The following ZFAND3 variants were observed in gnomAD, a reference collection of about 807,000 sequenced individuals.
ZFAND3 encodes the protein AN1-type zinc finger protein 3.
Under a neutral mutation model 29.6 loss-of-function variants are expected in ZFAND3, and 10 were observed. The observed-to-expected ratio is 0.34, with a 90% CI of 0.21 to 0.57. The LOEUF (loss-of-function observed/expected upper bound fraction) is 0.57. Among genes scored for constraint, ZFAND3 ranks in the 20% least tolerant of loss-of-function variants. ZFAND3 has a pLI of 0.86. For missense variants in ZFAND3, 230 were observed against 304.5 expected (o/e 0.76, Z 1.82); for synonymous variants, 128 against 112.6 (o/e 1.14, Z -0.87).
At chr6:38,021,496 T>G (rs567965081) in intron 2 of ZFAND3, among the ~76,000 whole-genome samples, 2 of 152,314 alleles carry the variant, frequency 1.3e-5, no homozygotes, top group South Asian at 4.1e-4. Context: ...TTTCATTGAC[T>G]AGGGAAAGTA....
At chr6:38,011,211 A>T (rs1293585130) in intron 2 of ZFAND3, among the ~76,000 whole-genome samples, 1 of 152,072 alleles carries the variant, frequency 6.6e-6, no homozygotes, top group Non-Finnish European at 1.5e-5. Flanking sequence ...GCTGATGGAT[A>T]TTTGGGTTAT....
At chr6:37,994,022 G>T (rs1310490362) in intron 2 of ZFAND3, among the ~76,000 whole-genome samples, 3 of 152,228 alleles carry the variant, frequency 2.0e-5, no homozygotes, top group South Asian at 2.1e-4. Flanking sequence ...ACCGGTAAAA[G>T]AATTGGATTT....
chr6:37,926,720 A>G (rs866329633), intron 1 of ZFAND3, among the ~76,000 whole-genome samples: 1 of 152,222 alleles, frequency 6.6e-6, no homozygotes, highest in Admixed American at 6.5e-5. Flanking sequence ...GGAGAGCTCA[A>G]TAAGAGTAGT....
At chr6:38,114,343 A>G (rs1329994656) in intron 4 of ZFAND3, among the ~76,000 whole-genome samples, 1 of 152,198 alleles carries the variant, frequency 6.6e-6, no homozygotes, top group Non-Finnish European at 1.5e-5. Flanking sequence ...AATGATTTAT[A>G]TTTAAATTGT....
chr6:38,058,031 C>G (rs1230646467), intron 2 of ZFAND3, among the ~76,000 whole-genome samples: 1 of 152,098 alleles, frequency 6.6e-6, no homozygotes, highest in East Asian at 1.9e-4. Context: ...TAAAAGAAAA[C>G]CTGAAGTTTT....
intron 3 of ZFAND3, among the ~76,000 whole-genome samples, chr6:38,065,547 C>A (rs979758514): frequency 2.2e-4 from 33 of 152,116 alleles, no homozygotes; most frequent in Non-Finnish European, 1.8e-4. Flanking sequence ...TCTTTAGATG[C>A]GGTAACATTT....
chr6:37,955,615 T>C lies in ZFAND3; in HGVS notation c.112+25616T>C, dbSNP rs76249881. 1.5e-3 allele frequency among the ~76,000 whole-genome samples: 227 copies of C among 152,324 alleles called. 5 individuals are homozygous for C. In the East Asian group the frequency reaches 0.035, roughly 23 times the overall value. On this transcript the variant is annotated intron_variant, in intron 2 of 5. Coordinates refer to ENST00000287218, the MANE Select transcript of ZFAND3 (RefSeq NM_021943.3). ...AGTAGTAAGTTCTGCTATGACCCAG[T>C]AACTATTATAAACCACTTAGGCTCT...
At chr6:37,939,101 T>A (rs560302372) in intron 2 of ZFAND3, among the ~76,000 whole-genome samples, 2 of 152,314 alleles carry the variant, frequency 1.3e-5, no homozygotes, top group South Asian at 4.1e-4. Context: ...ATACATAATC[T>A]CATTGGTATC....
chr6:37,918,297 G>C (rs1458546649), intron 1 of ZFAND3, among the ~76,000 whole-genome samples: 1 of 152,012 alleles, frequency 6.6e-6, no homozygotes, highest in Admixed American at 6.6e-5. Context: ...GGATGGTCTC[G>C]ATCTCCTGAC....
chr6:38,046,799 T>G (rs1047585840), intron 2 of ZFAND3, among the ~76,000 whole-genome samples: 4 of 152,240 alleles, frequency 2.6e-5, no homozygotes, highest in Non-Finnish European at 5.9e-5. Context: ...GAAATACAGT[T>G]GTTTCAGACA....
At chr6:37,943,887 A>T (rs993275925) in intron 2 of ZFAND3, among the ~76,000 whole-genome samples, 8 of 152,204 alleles carry the variant, frequency 5.3e-5, no homozygotes, top group Non-Finnish European at 4.4e-5. Flanking sequence ...GCATACTTCA[A>T]CCTCAGTTTC....
chr6:37,982,115 G>A (rs1158027358), intron 2 of ZFAND3, among the ~76,000 whole-genome samples: 21 of 152,062 alleles, frequency 1.4e-4, no homozygotes, highest in Admixed American at 1.4e-3. Context: ...TTTGTCTCAT[G>A]TGAGCAGAGG....
chr6:37,934,124 G>T (rs2127414242), intron 2 of ZFAND3, among the ~76,000 whole-genome samples: 1 of 151,684 alleles, frequency 6.6e-6, no homozygotes, highest in East Asian at 1.9e-4. Context: ...CTGAGCTCAG[G>T]TGATCCGCCC....
Position 38,153,937 on chromosome 6 carries a change from T to A in ZFAND3, c.*1548T>A. Reference sequence around the variant, plus strand: ...AAACAACAAATGGTTCAACTCTGTCTGCAAATTAACAGCTGAACACCTGCA... The same window carrying A: ...AAACAACAAATGGTTCAACTCTGTCAGCAAATTAACAGCTGAACACCTGCA... On this transcript the variant is annotated 3_prime_UTR_variant, in exon 6 of 6. Coordinates refer to ENST00000287218, the MANE Select transcript of ZFAND3 (RefSeq NM_021943.3). 1 of 985,450 alleles carries A rather than the reference T, an allele frequency of 1.0e-6. No individual in the cohort carries two copies. Among genetic ancestry groups the A allele is most frequent in the Admixed American group, 6.1e-5 (1 of 16,294 alleles). 61.0% of individuals were successfully genotyped at this position (985,450 alleles called of 1,614,324 possible). A position where few individuals can be genotyped will look rare whatever the true frequency, so the allele number is the denominator to read the frequency against.
Position 38,152,421 on chromosome 6 carries a change from C to T in ZFAND3, c.*32C>T. 1 of 1,526,574 alleles carries T rather than the reference C, an allele frequency of 6.6e-7. No homozygotes were observed. Among genetic ancestry groups the T allele is most frequent in the Non-Finnish European group, 8.8e-7 (1 of 1,138,118 alleles). 94.6% of individuals were successfully genotyped at this position (1,526,574 alleles called of 1,614,324 possible). On this transcript the variant is annotated 3_prime_UTR_variant, in exon 6 of 6. Transcript: ENST00000287218. ...GGCATGGCCACCACGTGACGCTGTTCTTAGTTCACTAATGTTAGCCTTATT... is the reference window on the plus strand; with the variant it reads ...GGCATGGCCACCACGTGACGCTGTTTTTAGTTCACTAATGTTAGCCTTATT...
At chr6:37,896,570 C>CTTT (rs1554153801) in intron 1 of ZFAND3, among the ~76,000 whole-genome samples, 14 of 124,490 alleles carry the variant, frequency 1.1e-4, no homozygotes, top group East Asian at 2.2e-4. Context: ...TTCTTTCTTT[C>CTTT]TCTCTTTCTC....
In ZFAND3 at chr6:38,107,094, G is replaced by T. The variant is rs899530416; in HGVS notation, c.362-9478G>T. On this transcript the variant is annotated intron_variant, in intron 4 of 5. Transcript: ENST00000287218. ...TACAGCAACTACTAACAGCAGTGTG[G>T]TGTCAGTCAGGAGGTAAAGGGCAAT... Among the ~76,000 whole-genome samples, 136 of 152,122 alleles carry T rather than the reference G, an allele frequency of 8.9e-4. 2 individuals carry two copies. The highest frequency in any genetic ancestry group is 3.2e-3 in the African/African-American group (132 of 41,408).
At chr6:37,990,777 A>T (rs1762745020) in intron 2 of ZFAND3, among the ~76,000 whole-genome samples, 1 of 152,212 alleles carries the variant, frequency 6.6e-6, no homozygotes, top group Non-Finnish European at 1.5e-5. Flanking sequence ...TTAAGTGCTT[A>T]ATAGCCACAT....
At chr6:37,857,572 T>A (rs1482615579) in intron 1 of ZFAND3, among the ~76,000 whole-genome samples, 1 of 152,202 alleles carries the variant, frequency 6.6e-6, no homozygotes, top group Non-Finnish European at 1.5e-5. Context: ...TGATGTGTGA[T>A]TTATGGAACA....
Sources: allele counts gnomAD v4.1 joint callset (sites outside exome capture counted in the v4.1 genomes callset), GRCh38; gene constraint gnomAD v4.1.1; transcripts MANE v1.5; gene names NCBI Gene and HGNC (gene_info 2026-07-23, HGNC 2026-07-21).